Variants in GRM7 observed in about 807,000 individuals in gnomAD.
GRM7 encodes the protein metabotropic glutamate receptor 7.
Under a neutral mutation model 84.5 loss-of-function variants are expected in GRM7, and 35 were observed. That is an observed-to-expected ratio of 0.41 (90% CI 0.32 to 0.55). The LOEUF (loss-of-function observed/expected upper bound fraction) is 0.55, where lower values mean the gene tolerates loss of function less well. Ranked by LOEUF, GRM7 falls within the 20% of genes least tolerant of loss-of-function variation. The pLI, the probability that GRM7 is intolerant of heterozygous loss-of-function variation, is 0.19. For missense variants in GRM7, 1,003 were observed against 1,194.6 expected, an observed-to-expected ratio of 0.84 and a Z score of 2.36; for synonymous variants, 487 against 455.1, an observed-to-expected ratio of 1.07 and a Z score of -0.89.
intron 7 of GRM7, among the ~76,000 whole-genome samples, chr3:7,516,010 TAAAA>T (rs1249211819): frequency 6.6e-6 from 1 of 150,848 alleles, no homozygotes; most frequent in African/African-American, 2.4e-5. Flanking sequence ...TAGTAACAAA[TAAAA>T]AAATTAAGTT....
At chr3:6,877,440 G>C (rs757144082) in intron 1 of GRM7, among the ~76,000 whole-genome samples, 3 of 152,160 alleles carry the variant, frequency 2.0e-5, no homozygotes, top group Non-Finnish European at 2.9e-5. Context: ...GTTCTATATA[G>C]ATATGTAGAC....
chr3:7,631,347 G>T (rs1042312423), intron 8 of GRM7, among the ~76,000 whole-genome samples: 2 of 146,142 alleles, frequency 1.4e-5, no homozygotes, highest in Admixed American at 1.4e-4. Context: ...TTCAGGAGCC[G>T]CACAGAAGGA....
intron 4 of GRM7, among the ~76,000 whole-genome samples, chr3:7,360,453 T>C (rs1412604235): frequency 6.6e-6 from 1 of 152,098 alleles, no homozygotes; most frequent in Non-Finnish European, 1.5e-5. Flanking sequence ...TAATTGGGGT[T>C]ACCATAACAA....
At chr3:7,041,998 A>G (rs984465233) in intron 1 of GRM7, among the ~76,000 whole-genome samples, 2 of 152,232 alleles carry the variant, frequency 1.3e-5, no homozygotes, top group South Asian at 2.1e-4. Context: ...AGCTGAGCAC[A>G]TGGAGTCTCC....
At chr3:7,233,980 A>G (rs1697272196) in intron 2 of GRM7, among the ~76,000 whole-genome samples, 4 of 152,160 alleles carry the variant, frequency 2.6e-5, no homozygotes, top group Admixed American at 6.6e-5. Context: ...AATAGTTTGG[A>G]ACATTAAAAA....
chr3:7,423,823 G>C (rs1575315618), intron 5 of GRM7, among the ~76,000 whole-genome samples: 1 of 152,074 alleles, frequency 6.6e-6, no homozygotes, highest in African/African-American at 2.4e-5. Flanking sequence ...CCCTGATTCT[G>C]TGAAGAGGAG....
chr3:6,979,672 A>T (rs116060052), intron 1 of GRM7, among the ~76,000 whole-genome samples: 4,017 of 152,324 alleles, frequency 0.026, 73 homozygotes, highest in African/African-American at 0.048. Context: ...CAAATGACAG[A>T]TTACAAATCA....
chr3:7,287,775 G>C (rs1056672428), intron 2 of GRM7, among the ~76,000 whole-genome samples: 4 of 152,102 alleles, frequency 2.6e-5, no homozygotes, highest in African/African-American at 7.2e-5. Flanking sequence ...CTAATTGATA[G>C]GTGTACTCTT....
At chr3:6,869,032 T>C (rs1574946478) in intron 1 of GRM7, among the ~76,000 whole-genome samples, 1 of 152,288 alleles carries the variant, frequency 6.6e-6, no homozygotes, top group East Asian at 1.9e-4. Flanking sequence ...ATATTTCCAT[T>C]TTTAAAGGGC....
intron 8 of GRM7, among the ~76,000 whole-genome samples, chr3:7,670,310 C>T (rs1304201638): frequency 6.6e-6 from 1 of 152,150 alleles, no homozygotes; most frequent in Non-Finnish European, 1.5e-5. Context: ...TGCAGTCCAA[C>T]AGCAACAGAG....
chr3:7,367,552 T>C (rs569121261), intron 4 of GRM7, among the ~76,000 whole-genome samples: 20 of 152,078 alleles, frequency 1.3e-4, no homozygotes, highest in Non-Finnish European at 2.5e-4. Flanking sequence ...CTTTTCCTCT[T>C]ATTTTCTTTA....
chr3:7,518,093 A>G (rs1256879458), intron 7 of GRM7, among the ~76,000 whole-genome samples: 1 of 152,174 alleles, frequency 6.6e-6, no homozygotes, highest in Non-Finnish European at 1.5e-5. Context: ...CAGACAGTCA[A>G]AGCTCATAGG....
intron 7 of GRM7, 142 bp from the exon 8 acceptor site, chr3:7,578,280 T>C: frequency 3.2e-6 from 2 of 619,624 alleles, no homozygotes; most frequent in Non-Finnish European, 5.8e-6. Flanking sequence ...AAATCATACT[T>C]GTAACTCTTG....
At chr3:7,348,194 A>C (rs1349599474) in intron 4 of GRM7, among the ~76,000 whole-genome samples, 1 of 152,090 alleles carries the variant, frequency 6.6e-6, no homozygotes, top group Non-Finnish European at 1.5e-5. Context: ...TTTTCTACTC[A>C]ATCTGGCATT....
Position 7,151,425 on chromosome 3 carries a change from A to G in GRM7, c.736+4757A>G, listed in dbSNP as rs1265518357. On this transcript the variant is annotated intron_variant, in intron 2 of 9. Coordinates refer to ENST00000357716, the MANE Select transcript of GRM7 (RefSeq NM_000844.4). This position sits in a 1 kb window ranked among gnomAD's most constrained non-coding sequence, Gnocchi z 4.5. ...CTGTCTCAAAACAAACAACAAACAA[A>G]CAAACAAACATACAAACAAAAACCA... Among the ~76,000 whole-genome samples, 2 of 152,010 alleles carry G rather than the reference A, an allele frequency of 1.3e-5. No individual in the cohort carries two copies. The highest frequency in any genetic ancestry group is 4.8e-5 in the African/African-American group (2 of 41,408).
intron 2 of GRM7, among the ~76,000 whole-genome samples, chr3:7,293,759 G>C (rs945139841): frequency 2.0e-5 from 3 of 152,096 alleles, no homozygotes; most frequent in African/African-American, 7.2e-5. Context: ...TTGCTGGTAG[G>C]TACATGGGAC....
At chr3:6,903,853 C>T (rs1696478492) in intron 1 of GRM7, among the ~76,000 whole-genome samples, 1 of 152,108 alleles carries the variant, frequency 6.6e-6, no homozygotes, top group African/African-American at 2.4e-5. Flanking sequence ...TGTTTTAATT[C>T]CACATTTTTG....
intron 4 of GRM7, among the ~76,000 whole-genome samples, chr3:7,409,701 A>C (rs1254996078): frequency 3.9e-5 from 6 of 152,116 alleles, no homozygotes; most frequent in Non-Finnish European, 7.4e-5. Context: ...CCTGGGTTCA[A>C]GCAGTTCTCC....
intron 2 of GRM7, among the ~76,000 whole-genome samples, chr3:7,183,973 G>A (rs1044621305): frequency 3.3e-5 from 5 of 152,140 alleles, no homozygotes; most frequent in African/African-American, 9.7e-5. Flanking sequence ...AGTATAGATG[G>A]TCATCCTGAG....
Sources: gnomAD v4.1 joint callset for allele counts (sites outside exome capture counted in the v4.1 genomes callset) on GRCh38, gnomAD v4.1.1 for gene constraint, Gnocchi (gnomAD v3.1) non-coding constraint, MANE v1.5 for transcripts, NCBI Gene and HGNC (gene_info 2026-07-23, HGNC 2026-07-21) for gene names.